The following MCMDC2 variants were observed in gnomAD, a reference collection of about 807,000 sequenced individuals.
MCMDC2 encodes the protein minichromosome maintenance domain-containing protein 2.
In MCMDC2, 54 loss-of-function variants were observed where a neutral mutation model predicts 75.8. The ratio of observed to expected loss-of-function variants is 0.71; its 90% confidence interval spans 0.57 to 0.89. MCMDC2 has a LOEUF of 0.89. Ranked by LOEUF, MCMDC2 falls within the 40% of genes least tolerant of loss-of-function variation. The pLI is 0.00. For synonymous variants in MCMDC2, 249 were observed against 274.6 expected (o/e 0.91, Z 0.92); for missense variants, 656 against 780.4 (o/e 0.84, Z 1.90).
intron 12 of MCMDC2, among the ~76,000 whole-genome samples, chr8:66,898,517 G>T (rs775508392): frequency 6.6e-6 from 1 of 151,676 alleles, no homozygotes; most frequent in East Asian, 1.9e-4. Context: ...CCAGCTACTC[G>T]GGAGGATGAG....
At position 66,919,100 on chromosome 8, in the gene MCMDC2, C is replaced by T. The variant is rs1472212560; in HGVS notation, c.1977C>T (p.Cys659=). 1.1e-5 allele frequency: 17 copies of T among 1,550,480 alleles called. No individual in the cohort carries two copies. The African/African-American group carries it at 1.2e-4, about 11-fold the overall frequency. ...AAAGGGATCTCTATCTGACTCAGTG[C>T]CAACAACAGCTGGAACAATTTATTG... ...LEQRDLYLTQ[C]QQQLEQFIAT... The change falls in exon 15 of 15, where the codon TGC becomes TGT. Residue 659 remains cysteine, a synonymous_variant. Coordinates refer to ENST00000422365, the MANE Select transcript of MCMDC2 (RefSeq NM_173518.5).
chr8:66,883,706 T>C (rs1288343815), intron 8 of MCMDC2, 51 bp from the exon 9 acceptor site: 3 of 958,640 alleles, frequency 3.1e-6, no homozygotes, highest in Non-Finnish European at 4.8e-6. Context: ...ATCTATAATG[T>C]TGTCTTGTTT....
At chr8:66,897,728 C>A (rs72654917) in intron 12 of MCMDC2, among the ~76,000 whole-genome samples, 8,841 of 152,218 alleles carry the variant, frequency 0.058, 326 homozygotes, top group Non-Finnish European at 0.083. Context: ...TAATTAATTA[C>A]CCTGACATTA....
At chr8:66,907,701 G>A (rs1270474825) in intron 14 of MCMDC2, among the ~76,000 whole-genome samples, 1 of 152,208 alleles carries the variant, frequency 6.6e-6, no homozygotes, top group Non-Finnish European at 1.5e-5. Flanking sequence ...CGGTGTAAAA[G>A]CGTTCCTGTT....
intron 8 of MCMDC2, among the ~76,000 whole-genome samples, chr8:66,882,547 A>G (rs187662183): frequency 0.018 from 2,767 of 151,834 alleles, 43 homozygotes; most frequent in Non-Finnish European, 0.029. Context: ...TGTATTTTTA[A>G]TAGAGATGGG....
intron 5 of MCMDC2, among the ~76,000 whole-genome samples, chr8:66,878,325 C>G (rs1241305750): frequency 1.3e-5 from 2 of 152,206 alleles, no homozygotes; most frequent in Non-Finnish European, 2.9e-5. Context: ...TTGCCAGTGC[C>G]TTAGCACAGT....
chr8:66,907,153 G>A (rs1328280815), intron 14 of MCMDC2, among the ~76,000 whole-genome samples: 1 of 151,952 alleles, frequency 6.6e-6, no homozygotes, highest in Admixed American at 6.6e-5. Flanking sequence ...ATGGCGGTTT[G>A]CTGCACCTAT....
intron 10 of MCMDC2, among the ~76,000 whole-genome samples, chr8:66,891,733 T>C (rs1298511938): frequency 6.6e-6 from 1 of 152,172 alleles, no homozygotes; most frequent in African/African-American, 2.4e-5. Context: ...ATCCCATGCC[T>C]GCTGAGGATA....
At chr8:66,901,528 A>G (rs1454640863) in intron 13 of MCMDC2, 180 bp downstream of exon 13, 15 of 1,293,776 alleles carry the variant, frequency 1.2e-5, no homozygotes, top group Non-Finnish European at 1.5e-5. Context: ...ATCATGTTAC[A>G]TCATTTTAAT....
intron 7 of MCMDC2, among the ~76,000 whole-genome samples, chr8:66,879,414 G>A (rs896770199): frequency 1.3e-5 from 2 of 152,156 alleles, no homozygotes; most frequent in African/African-American, 4.8e-5. Flanking sequence ...CCAACATGGT[G>A]AAATCCCATC....
At chr8:66,914,643 A>T (rs1387657967) in intron 14 of MCMDC2, among the ~76,000 whole-genome samples, 1 of 152,208 alleles carries the variant, frequency 6.6e-6, no homozygotes, top group Non-Finnish European at 1.5e-5. Flanking sequence ...AGGAACAGAG[A>T]ACTAATGTGT....
At chr8:66,890,585 A>G (rs1444389238) in intron 9 of MCMDC2, among the ~76,000 whole-genome samples, 3 of 151,886 alleles carry the variant, frequency 2.0e-5, no homozygotes, top group Admixed American at 2.0e-4. Flanking sequence ...GGAGTGCACA[A>G]TCTTTGCTCA....
In MCMDC2 at chr8:66,886,446, T is replaced by C. The variant is rs955566851; in HGVS notation, c.1073+2452T>C. Among the ~76,000 whole-genome samples, 3 of 152,134 alleles carry C rather than the reference T, an allele frequency of 2.0e-5. No individual in the cohort carries two copies. In the East Asian group the frequency reaches 5.8e-4, roughly 30 times the overall value. On this transcript the variant is annotated intron_variant, in intron 9 of 14. Transcript: ENST00000422365. The stretch of plus-strand genomic sequence containing the variant: ...TCCCATAGTGCTGGGATTACAGGCA[T>C]GAGCCACTGTGCCTGGCCTATAACT...
intron 14 of MCMDC2, among the ~76,000 whole-genome samples, chr8:66,918,091 A>C (rs902392629): frequency 7.2e-5 from 11 of 152,160 alleles, no homozygotes; most frequent in Non-Finnish European, 2.9e-5. Context: ...TTTATAATAA[A>C]TCCTTATAGG....
At chr8:66,874,263 A>C in intron 2 of MCMDC2, 29 bp downstream of exon 2, 1 of 1,603,256 alleles carries the variant, frequency 6.2e-7, no homozygotes, top group Admixed American at 1.8e-5. Context: ...AGTTATTTTT[A>C]AAACTTTCAA....
intron 9 of MCMDC2, among the ~76,000 whole-genome samples, chr8:66,886,158 CTTTTTTTTTT>C (rs775562349): frequency 3.2e-5 from 4 of 123,442 alleles, no homozygotes; most frequent in Non-Finnish European, 6.8e-5. Flanking sequence ...ATATGTATAA[CTTTTTTTTTT>C]TTTTTTTTTT....
chr8:66,911,005 T>G (rs372690430), intron 14 of MCMDC2, among the ~76,000 whole-genome samples: 1 of 152,218 alleles, frequency 6.6e-6, no homozygotes, highest in East Asian at 1.9e-4. Flanking sequence ...TTATCTCAGA[T>G]GAGACTTTGG....
At chr8:66,882,178 G>A (rs1811605217) in intron 8 of MCMDC2, among the ~76,000 whole-genome samples, 1 of 152,280 alleles carries the variant, frequency 6.6e-6, no homozygotes, top group Non-Finnish European at 1.5e-5. Flanking sequence ...GATAGGAATT[G>A]ATATAAGGAC....
intron 13 of MCMDC2, among the ~76,000 whole-genome samples, chr8:66,903,703 A>G (rs549959928): frequency 1.3e-5 from 2 of 152,302 alleles, no homozygotes; most frequent in South Asian, 2.1e-4. Context: ...TTTTTTTGCC[A>G]TTTCTACAGA....
Sources: gnomAD v4.1 joint callset for allele counts (sites outside exome capture counted in the v4.1 genomes callset) on GRCh38, gnomAD v4.1.1 for gene constraint, MANE v1.5 for transcripts, NCBI Gene and HGNC (gene_info 2026-07-23, HGNC 2026-07-21) for gene names.